Variants in NXPE2 observed in about 807,000 individuals in gnomAD.
NXPE2 encodes the protein NXPE family member 2.
NXPE2 carries 34 observed loss-of-function variants against 34.4 expected under a neutral mutation model. The ratio of observed to expected loss-of-function variants is 0.99; its 90% CI spans 0.75 to 1.31. NXPE2 has a LOEUF of 1.31. NXPE2 is among the 40% of genes most tolerant of loss of function. The probability of loss-of-function intolerance (pLI) is 0.00; values close to 1 mark genes in which losing one functional copy is unlikely to be tolerated. For synonymous variants in NXPE2, 235 were observed against 231.3 expected (o/e 1.02, Z -0.15); for missense variants, 649 against 672.5 (o/e 0.97, Z 0.39).
the NXPE2 span, among the ~76,000 whole-genome samples, chr11:114,801,393 A>C: frequency 6.6e-6 from 1 of 152,244 alleles, no homozygotes; most frequent in African/African-American, 2.4e-5. Flanking sequence ...GACAGTTTCA[A>C]GGAAAGAAGA....
chr11:114,595,882 C>A, the NXPE2 span: 4 of 152,344 alleles, frequency 2.6e-5, no homozygotes, highest in African/African-American at 9.6e-5. Flanking sequence ...AAGTGCTCTG[C>A]ATAGTAGGTT....
chr11:114,507,084 A>G, the NXPE2 span, among the ~76,000 whole-genome samples: 1 of 152,136 alleles, frequency 6.6e-6, no homozygotes, highest in South Asian at 2.1e-4. Context: ...ACCACAGAAT[A>G]TTATAAACAC....
chr11:114,562,794 TCAAA>T, the NXPE2 span, among the ~76,000 whole-genome samples: 2 of 152,190 alleles, frequency 1.3e-5, no homozygotes, highest in African/African-American at 4.8e-5. Context: ...GATCTGTGGT[TCAAA>T]CAATGTAATC....
the NXPE2 span, among the ~76,000 whole-genome samples, chr11:114,625,273 G>C: frequency 1.3e-5 from 2 of 152,072 alleles, no homozygotes; most frequent in Admixed American, 1.3e-4. Flanking sequence ...TGGGTAATAC[G>C]AGTTGCCTCA....
chr11:114,582,778 C>T, the NXPE2 span: 4 of 1,614,164 alleles, frequency 2.5e-6, no homozygotes, highest in South Asian at 3.3e-5. Flanking sequence ...AGCTGGTCTC[C>T]CCTGCAGTAC....
downstream of NXPE2, among the ~76,000 whole-genome samples, chr11:114,709,442 C>T (rs989815703): frequency 5.9e-5 from 9 of 152,098 alleles, no homozygotes; most frequent in Non-Finnish European, 1.3e-4. Context: ...CTAAATATTT[C>T]ATAATGTTTT....
At chr11:114,748,579 GT>G in the NXPE2 span, among the ~76,000 whole-genome samples, 2 of 152,182 alleles carry the variant, frequency 1.3e-5, no homozygotes, top group Non-Finnish European at 1.5e-5. Context: ...TTTTTACTGT[GT>G]TTTTCAATTT....
Position 114,698,162 on chromosome 11 carries a change from A to G in NXPE2, c.250A>G (p.Ile84Val). 6.2e-7 allele frequency: 1 copy of G among 1,614,216 alleles called. No homozygotes were observed. Among genetic ancestry groups the G allele is most frequent in the Non-Finnish European group, 8.5e-7 (1 of 1,180,002 alleles). Residue 84 changes from isoleucine (I) to valine (V), a missense_variant, in exon 3 of 6, where the codon ATA becomes GTA. Physicochemically the swap from Ile to Val is conservative, Grantham distance 29. Coordinates refer to ENST00000389586, the MANE Select transcript of NXPE2 (RefSeq NM_182495.6). ...AVSPKETELR[I>V]KDIMEKLDQQ... ...TTCACCAAAAGAGACTGAACTTAGA[A>G]TAAAGGACATTATGGAGAAACTAGA...
the NXPE2 span, among the ~76,000 whole-genome samples, chr11:114,570,339 T>A: frequency 1.3e-5 from 2 of 152,160 alleles, no homozygotes; most frequent in Admixed American, 6.5e-5. Context: ...AAGACAAACT[T>A]CCTGAATTCT....
the NXPE2 span, chr11:114,571,519 C>A: frequency 1.3e-6 from 2 of 1,482,400 alleles, no homozygotes; most frequent in Non-Finnish European, 9.1e-7. Context: ...GATATAGTTA[C>A]CAAGATTGAG....
chr11:114,734,835 G>A, the NXPE2 span, among the ~76,000 whole-genome samples: 1,405 of 152,204 alleles, frequency 9.2e-3, 22 homozygotes, highest in African/African-American at 0.031. Flanking sequence ...ACGGCAGGGC[G>A]CAGTGGCTCA....
At chr11:114,488,576 A>G in the NXPE2 span, among the ~76,000 whole-genome samples, 1 of 152,210 alleles carries the variant, frequency 6.6e-6, no homozygotes, top group Non-Finnish European at 1.5e-5. Flanking sequence ...GCTCAACTAC[A>G]TGGAAACTGA....
At chr11:114,465,783 G>A in the NXPE2 span, among the ~76,000 whole-genome samples, 7 of 152,112 alleles carry the variant, frequency 4.6e-5, no homozygotes, top group South Asian at 1.4e-3. Context: ...GGACAGTATA[G>A]CAAGACCCTG....
the NXPE2 span, among the ~76,000 whole-genome samples, chr11:114,479,663 C>T: frequency 6.6e-6 from 1 of 151,978 alleles, no homozygotes; most frequent in Non-Finnish European, 1.5e-5. Context: ...GCAGTTAGAT[C>T]CAGCAGTTTG....
chr11:114,735,513 AT>A, the NXPE2 span, among the ~76,000 whole-genome samples: 1 of 152,206 alleles, frequency 6.6e-6, no homozygotes, highest in African/African-American at 2.4e-5. Context: ...GGTTAAAATT[AT>A]TTCCATGTCA....
At chr11:114,497,426 A>G in the NXPE2 span, among the ~76,000 whole-genome samples, 1 of 152,140 alleles carries the variant, frequency 6.6e-6, no homozygotes, top group Non-Finnish European at 1.5e-5. Flanking sequence ...TGCAAGCTCC[A>G]TTTATGGTAA....
Position 114,698,266 on chromosome 11 carries a change from C to T in NXPE2, c.354C>T (p.Asn118=). Residue 118 remains asparagine, a synonymous_variant, in exon 3 of 6, where the codon AAC becomes AAT. Transcript: ENST00000389586. The part of the protein sequence containing the change: ...SATHSTATIL[N]PQDTYCRGDQ... ...CACACAGCACAGCCACCATCCTCAA[C>T]CCTCAAGATACGTACTGCAGGGGGG... The T allele has an allele frequency of 1.2e-6, 2 of 1,613,354 alleles. No homozygotes were observed. The highest frequency in any genetic ancestry group is 1.7e-6 in the Non-Finnish European group (2 of 1,179,560).
chr11:114,471,228 C>T, the NXPE2 span, among the ~76,000 whole-genome samples: 6 of 152,250 alleles, frequency 3.9e-5, no homozygotes, highest in East Asian at 5.8e-4. Flanking sequence ...ATAAAAATTT[C>T]GTCCTTTTAT....
At chr11:114,745,117 T>C in the NXPE2 span, among the ~76,000 whole-genome samples, 2 of 152,164 alleles carry the variant, frequency 1.3e-5, no homozygotes, top group Non-Finnish European at 2.9e-5. Flanking sequence ...TAAAATTGTT[T>C]GATGTATATT....
Sources: gnomAD v4.1 joint callset for allele counts (sites outside exome capture counted in the v4.1 genomes callset) on GRCh38, gnomAD v4.1.1 for gene constraint, MANE v1.5 for transcripts, NCBI Gene and HGNC (gene_info 2026-07-23, HGNC 2026-07-21) for gene names.